The following AIG1 variants were observed in gnomAD, a reference collection of about 807,000 sequenced individuals.
The protein encoded by AIG1 is androgen-induced gene 1 protein.
AIG1 carries 23 observed loss-of-function variants against 31.4 expected under a neutral mutation model. The ratio of observed to expected loss-of-function variants is 0.73; its 90% CI spans 0.53 to 1.04. The LOEUF (loss-of-function observed/expected upper bound fraction) is 1.04. AIG1 is among the 50% of genes least tolerant of loss of function. The pLI, the probability that AIG1 is intolerant of heterozygous loss-of-function variation, is 0.00. For missense variants in AIG1, 274 were observed against 295.0 expected (o/e 0.93, Z 0.52); for synonymous variants, 100 against 110.5 (o/e 0.90, Z 0.60).
intron 1 of AIG1, among the ~76,000 whole-genome samples, chr6:143,120,856 G>T (rs561620266): frequency 6.6e-6 from 1 of 152,220 alleles, no homozygotes; most frequent in Admixed American, 6.5e-5. Context: ...GTTCGTGATG[G>T]CCGTGATGCC....
At chr6:143,171,171 G>GT (rs1322821168) in intron 3 of AIG1, among the ~76,000 whole-genome samples, 1 of 151,394 alleles carries the variant, frequency 6.6e-6, no homozygotes, top group Non-Finnish European at 1.5e-5. Context: ...TCAAATTGTA[G>GT]TCTTTTATCC....
intron 3 of AIG1, among the ~76,000 whole-genome samples, chr6:143,218,894 A>G (rs1792243371): frequency 6.6e-6 from 1 of 152,228 alleles, no homozygotes; most frequent in South Asian, 2.1e-4. Context: ...CAACATTTTT[A>G]TAATCCTTTC....
downstream of AIG1, chr6:143,342,560 C>T (rs1777878658): frequency 3.4e-6 from 3 of 891,192 alleles, no homozygotes; most frequent in Non-Finnish European, 5.8e-6. Flanking sequence ...TATTTTTTTA[C>T]TGTTGGGTTT....
chr6:143,246,878 A>G (rs964282390), intron 3 of AIG1, among the ~76,000 whole-genome samples: 3 of 152,202 alleles, frequency 2.0e-5, no homozygotes, highest in African/African-American at 7.2e-5. Context: ...GGCTTCAAAA[A>G]TAGAACAGAA....
intron 1 of AIG1, among the ~76,000 whole-genome samples, chr6:143,106,596 A>T (rs576622531): frequency 6.6e-6 from 1 of 152,194 alleles, no homozygotes; most frequent in Non-Finnish European, 1.5e-5. Context: ...AGATATGTTG[A>T]TTTCTGCCAA....
intron 3 of AIG1, among the ~76,000 whole-genome samples, chr6:143,242,550 C>T (rs535261339): frequency 6.6e-6 from 1 of 152,284 alleles, no homozygotes; most frequent in African/African-American, 2.4e-5. Context: ...TTGGCAGAGC[C>T]AGTATCGACA....
chr6:143,231,496 G>C (rs749607641), intron 3 of AIG1, among the ~76,000 whole-genome samples: 18 of 152,176 alleles, frequency 1.2e-4, no homozygotes, highest in Non-Finnish European at 2.4e-4. Context: ...CTCGTGAACA[G>C]AGTGAAAAAG....
In AIG1 at chr6:143,299,678, G is replaced by GT. The variant is rs1188806153; in HGVS notation, c.515+15454dup. On this transcript the variant is annotated intron_variant, in intron 4 of 5. Coordinates refer to ENST00000357847, the MANE Select transcript of AIG1 (RefSeq NM_016108.4). The surrounding 1 kb of genome is among the most constrained non-coding windows in gnomAD (Gnocchi z 4.1). ...CCACAGTATGATGCTGCACAGTCAT[G>GT]TAATTTATGACACACAAAACTCTTC... 1.3e-5 allele frequency: 2 copies of GT among 152,224 alleles called. No homozygotes were observed. Among genetic ancestry groups the GT allele is most frequent in the Non-Finnish European group, 2.9e-5 (2 of 68,034 alleles). The allele number at this position is 152,224 out of a possible 1,614,324, so 9.4% of individuals were successfully genotyped here.
At position 143,340,273 on chromosome 6, in the gene AIG1, A is replaced by G. The variant is rs1029177964; in HGVS notation, c.*597A>G. ...CATGTGAAACTTTTCCTAGATGCAA[A>G]TGCTGACTAATAAAGACAAAGCCAC... On this transcript the variant is annotated 3_prime_UTR_variant, in exon 6 of 6. Coordinates refer to ENST00000357847, the MANE Select transcript of AIG1 (RefSeq NM_016108.4). The G allele has an allele frequency of 6.6e-6, 1 of 152,234 alleles. No individual in the cohort carries two copies. Among genetic ancestry groups the G allele is most frequent in the Non-Finnish European group, 1.5e-5 (1 of 68,054 alleles). The allele number at this position is 152,234 out of a possible 1,614,324, so 9.4% of individuals were successfully genotyped here. A position where few individuals can be genotyped will look rare whatever the true frequency, so the allele number is the denominator to read the frequency against.
chr6:143,185,684 G>C (rs2128590593), intron 3 of AIG1, among the ~76,000 whole-genome samples: 1 of 152,066 alleles, frequency 6.6e-6, no homozygotes, highest in South Asian at 2.1e-4. Flanking sequence ...TGTCCTTTGT[G>C]GGCAGGCACA....
At chr6:143,273,846 G>A (rs1678769734) in intron 3 of AIG1, among the ~76,000 whole-genome samples, 1 of 152,168 alleles carries the variant, frequency 6.6e-6, no homozygotes, top group African/African-American at 2.4e-5. Context: ...AATTATGGGA[G>A]CTACAATTTA....
At chr6:143,119,705 C>G (rs866542128) in intron 1 of AIG1, among the ~76,000 whole-genome samples, 1 of 152,128 alleles carries the variant, frequency 6.6e-6, no homozygotes, top group Non-Finnish European at 1.5e-5. Flanking sequence ...TGGGAAGAAG[C>G]CTTCGTTCCT....
chr6:143,158,334 T>G (rs982168529), intron 2 of AIG1, among the ~76,000 whole-genome samples: 4 of 152,114 alleles, frequency 2.6e-5, no homozygotes, highest in African/African-American at 9.7e-5. Context: ...GACCTCATGT[T>G]CCCAGCAAGG....
Position 143,065,238 on chromosome 6 carries a change from C to T in AIG1, c.141+4172C>T, listed in dbSNP as rs565317727. Among the ~76,000 whole-genome samples, 173 of 152,286 alleles carry T rather than the reference C, an allele frequency of 1.1e-3. 1 individual carries two copies. Among genetic ancestry groups the T allele is most frequent in the African/African-American group, 4.0e-3 (165 of 41,548 alleles). On this transcript the variant is annotated intron_variant, in intron 1 of 5. Coordinates refer to ENST00000357847, the MANE Select transcript of AIG1 (RefSeq NM_016108.4). ...CATCTGGATGTATATGTGTAGGTCA[C>T]AGGGGTTACAATGGCTGAGCTTCGG...
chr6:143,233,427 G>C (rs1793586809), intron 3 of AIG1, among the ~76,000 whole-genome samples: 1 of 152,018 alleles, frequency 6.6e-6, no homozygotes, highest in Non-Finnish European at 1.5e-5. Context: ...AATGAACCCT[G>C]CTTATGTATT....
intron 4 of AIG1, among the ~76,000 whole-genome samples, chr6:143,324,249 C>A (rs181959873): frequency 6.6e-6 from 1 of 152,172 alleles, no homozygotes; most frequent in Admixed American, 6.5e-5. Flanking sequence ...ATTTCTTCCC[C>A]CTTCTCAGGG....
chr6:143,117,661 C>T (rs527242587), intron 1 of AIG1, among the ~76,000 whole-genome samples: 9 of 152,060 alleles, frequency 5.9e-5, no homozygotes, highest in Admixed American at 3.3e-4. Context: ...TGGCTGAGGA[C>T]GAAAATACCA....
intron 3 of AIG1, among the ~76,000 whole-genome samples, chr6:143,240,066 G>C (rs1350757963): frequency 6.6e-6 from 1 of 152,222 alleles, no homozygotes; most frequent in Non-Finnish European, 1.5e-5. Context: ...TTATGAAAGA[G>C]AGTATGACAT....
At chr6:143,276,851 A>G (rs1030597029) in intron 3 of AIG1, among the ~76,000 whole-genome samples, 1 of 152,150 alleles carries the variant, frequency 6.6e-6, no homozygotes, top group Non-Finnish European at 1.5e-5. Context: ...TGGAGCCTGC[A>G]TCAGTTTTCT....
Sources: allele counts gnomAD v4.1 joint callset (sites outside exome capture counted in the v4.1 genomes callset), GRCh38; gene constraint gnomAD v4.1.1; non-coding constraint Gnocchi (gnomAD v3.1); transcripts MANE v1.5; gene names NCBI Gene and HGNC (gene_info 2026-07-23, HGNC 2026-07-21).